Variants in TAFA2 observed in about 807,000 individuals in gnomAD.
TAFA2 encodes chemokine-like protein TAFA-2.
In TAFA2, 7 loss-of-function variants were observed where a neutral mutation model predicts 18.8. The observed-to-expected ratio is 0.37, with a 90% confidence interval of 0.21 to 0.70. The LOEUF is 0.70. Ranked by LOEUF, TAFA2 falls within the 30% of genes least tolerant of loss-of-function variation. The probability of loss-of-function intolerance (pLI) is 0.53; values close to 1 mark genes in which losing one functional copy is unlikely to be tolerated. For synonymous variants in TAFA2, 60 were observed against 54.2 expected (o/e 1.11, Z -0.47); for missense variants, 122 against 158.1 (o/e 0.77, Z 1.23).
In TAFA2 at chr12:61,709,129, A is replaced by C. The variant is rs1027122429; in HGVS notation, c.*1277T>G. On this transcript the variant is annotated 3_prime_UTR_variant, in exon 5 of 5. Transcript: ENST00000416284. ...TCTCCCTTCATATCACAAATGAAAC[A>C]AAATAAATGTAGTACAAAATTATAC... 1.3e-5 allele frequency: 2 copies of C among 152,548 alleles called. No individual in the cohort carries two copies. Among genetic ancestry groups the C allele is most frequent in the African/African-American group, 4.8e-5 (2 of 41,442 alleles). The allele number at this position is 152,548 out of a possible 1,614,324, so 9.4% of individuals were successfully genotyped here. A position where few individuals can be genotyped will look rare whatever the true frequency, so the allele number is the denominator to read the frequency against.
At chr12:62,183,644 C>T (rs2062566024) in intron 1 of TAFA2, among the ~76,000 whole-genome samples, 1 of 152,148 alleles carries the variant, frequency 6.6e-6, no homozygotes, top group Non-Finnish European at 1.5e-5. Context: ...TTCGGCCTCC[C>T]AAAGTGTTGG....
At chr12:61,837,750 G>T (rs1043026524) in intron 2 of TAFA2, among the ~76,000 whole-genome samples, 3 of 151,884 alleles carry the variant, frequency 2.0e-5, no homozygotes, top group African/African-American at 7.3e-5. Flanking sequence ...CAGGGGGTGG[G>T]GTAGGAGTGC....
intron 1 of TAFA2, among the ~76,000 whole-genome samples, chr12:62,222,132 G>T (rs1317370315): frequency 2.6e-5 from 4 of 152,162 alleles, no homozygotes; most frequent in African/African-American, 4.8e-5. Flanking sequence ...ACATTGCATT[G>T]TAAGAACCCT....
chr12:62,182,907 C>T (rs1306296384), intron 1 of TAFA2, among the ~76,000 whole-genome samples: 4 of 152,214 alleles, frequency 2.6e-5, no homozygotes, highest in African/African-American at 9.7e-5. Context: ...CAGCACAATA[C>T]ATTGTTGAAC....
At chr12:61,958,988 G>A (rs947202549) in intron 1 of TAFA2, among the ~76,000 whole-genome samples, 9 of 151,864 alleles carry the variant, frequency 5.9e-5, no homozygotes, top group South Asian at 2.1e-4. Context: ...AATTGCAGCC[G>A]CTATATTTGC....
intron 1 of TAFA2, among the ~76,000 whole-genome samples, chr12:62,082,525 G>A (rs1160774325): frequency 6.6e-6 from 1 of 152,118 alleles, no homozygotes; most frequent in Non-Finnish European, 1.5e-5. Context: ...ACTGCTAAGT[G>A]CCAGATATGG....
At chr12:61,721,955 CA>C (rs11285316) in intron 4 of TAFA2, among the ~76,000 whole-genome samples, 125,437 of 147,272 alleles carry the variant, frequency 0.85, 53,184 homozygotes, top group African/African-American at 0.87. Context: ...GACTCTCTCT[CA>C]AAAAAAAAAA....
intron 1 of TAFA2, among the ~76,000 whole-genome samples, chr12:62,202,821 CTTTTTTTTTTTTT>C (rs71083986): frequency 1.6e-5 from 1 of 61,626 alleles, no homozygotes; most frequent in Non-Finnish European, 3.0e-5. Flanking sequence ...CTGTGTGGTT[CTTTTTTTTTTTTT>C]TTTTTTTTTT....
At chr12:62,209,772 C>G (rs1468614007) in intron 1 of TAFA2, among the ~76,000 whole-genome samples, 1 of 152,072 alleles carries the variant, frequency 6.6e-6, no homozygotes, top group African/African-American at 2.4e-5. Flanking sequence ...ATTTTTTAAC[C>G]AAAAGTGGGA....
intron 2 of TAFA2, among the ~76,000 whole-genome samples, chr12:61,842,390 G>T (rs1873224712): frequency 6.6e-6 from 1 of 151,518 alleles, no homozygotes; most frequent in Non-Finnish European, 1.5e-5. Context: ...TTTTTTTTAA[G>T]TTGAACTCTG....
At chr12:61,731,122 C>T (rs1425016328) in intron 4 of TAFA2, among the ~76,000 whole-genome samples, 1 of 152,080 alleles carries the variant, frequency 6.6e-6, no homozygotes, top group Non-Finnish European at 1.5e-5. Flanking sequence ...CCCACTGCTT[C>T]TTCTACTTTC....
At chr12:61,750,524 G>A (rs777002160) in intron 4 of TAFA2, among the ~76,000 whole-genome samples, 8 of 152,060 alleles carry the variant, frequency 5.3e-5, no homozygotes, top group East Asian at 3.9e-4. Flanking sequence ...TCCAGAATCC[G>A]ATAGAAAAAC....
intron 2 of TAFA2, chr12:61,775,838 T>A (rs1352407271): frequency 6.2e-6 from 1 of 160,790 alleles, no homozygotes; most frequent in African/African-American, 2.4e-5. Context: ...ACCTTCCTTT[T>A]AATTTTGTTG....
intron 1 of TAFA2, among the ~76,000 whole-genome samples, chr12:62,144,275 C>G (rs2062263218): frequency 1.3e-5 from 2 of 151,992 alleles, no homozygotes; most frequent in South Asian, 4.2e-4. Flanking sequence ...CAAAATTATG[C>G]TAGGTTAGTG....
chr12:62,216,837 T>C lies in TAFA2; in HGVS notation c.-130+41926A>G, dbSNP rs1335402721. 5.3e-5 allele frequency among the ~76,000 whole-genome samples: 8 copies of C among 152,190 alleles called. No individual in the cohort carries two copies. The East Asian group carries it at 1.5e-3, about 29-fold the overall frequency. Reference sequence around the variant, plus strand: ...GTCATTTGTCAAAACATAGCATTGGTTCACTATTTCAGTGGTACCATATTA... The same window carrying C: ...GTCATTTGTCAAAACATAGCATTGGCTCACTATTTCAGTGGTACCATATTA... On this transcript the variant is annotated intron_variant, in intron 1 of 5. Coordinates refer to the TAFA2 transcript ENST00000551619.
At chr12:61,868,630 C>G (rs12828092) in intron 1 of TAFA2, among the ~76,000 whole-genome samples, 44,248 of 151,990 alleles carry the variant, frequency 0.29, 7,055 homozygotes, top group South Asian at 0.4. Flanking sequence ...AAAGGTAGAA[C>G]AGGTGGCTAT....
rs146355143 is a variant in TAFA2 at position 62,058,786 on chromosome 12, C to T, written c.-2+132473G>A. ...GACCAGCCTAAGCAACACAGTGAGA[C>T]CCCATCTCTAAAGAAATTTTAAAAA... is the stretch of plus-strand genomic sequence containing the variant. On this transcript the variant is annotated intron_variant, in intron 1 of 4. Transcript: ENST00000416284. 8.5e-3 allele frequency among the ~76,000 whole-genome samples: 1,294 copies of T among 152,238 alleles called. 3 individuals carry two copies. The highest frequency in any genetic ancestry group is 0.014 in the Non-Finnish European group (948 of 68,004).
chr12:62,253,982 C>T (rs1188583309), intron 1 of TAFA2, among the ~76,000 whole-genome samples: 1 of 152,188 alleles, frequency 6.6e-6, no homozygotes, highest in Admixed American at 6.5e-5. Context: ...CTTCCAACAG[C>T]TTCCAAATAC....
In TAFA2 at chr12:62,161,521, G is replaced by A. The variant is rs181251346; in HGVS notation, c.-2+29738C>T. 3.3e-5 allele frequency among the ~76,000 whole-genome samples: 5 copies of A among 152,252 alleles called. No homozygotes were observed. In the East Asian group the frequency reaches 7.7e-4, roughly 24 times the overall value. On this transcript the variant is annotated intron_variant, in intron 1 of 4. Transcript: ENST00000416284. ...ATGTGTACACATGGACATAGAGAGTGGAATGATAGAGGATGGAGACTCAGA... is the reference window on the plus strand; with the variant it reads ...ATGTGTACACATGGACATAGAGAGTAGAATGATAGAGGATGGAGACTCAGA...
Sources: allele counts gnomAD v4.1 joint callset (sites outside exome capture counted in the v4.1 genomes callset), GRCh38; gene constraint gnomAD v4.1.1; transcripts MANE v1.5; gene names NCBI Gene and HGNC (gene_info 2026-07-23, HGNC 2026-07-21).